The following RBL1 variants were observed in gnomAD, a reference collection of about 807,000 sequenced individuals.
RBL1 encodes retinoblastoma-like protein 1.
RBL1 carries 82 observed loss-of-function variants against 123.0 expected under a neutral mutation model. The observed-to-expected ratio is 0.67, with a 90% CI of 0.56 to 0.80. The LOEUF (loss-of-function observed/expected upper bound fraction) is 0.80, where lower values mean the gene tolerates loss of function less well. Ranked by LOEUF, RBL1 falls within the 30% of genes least tolerant of loss-of-function variation. The pLI, the probability that RBL1 is intolerant of heterozygous loss-of-function variation, is 0.00. For synonymous variants in RBL1, 405 were observed against 441.3 expected, an observed-to-expected ratio of 0.92 and a Z score of 1.03; for missense variants, 1,171 against 1,299.6, an observed-to-expected ratio of 0.90 and a Z score of 1.52.
At chr20:37,024,460 A>AGGATACAGAG (rs2064389974) in intron 16 of RBL1, among the ~76,000 whole-genome samples, 1 of 152,236 alleles carries the variant, frequency 6.6e-6, no homozygotes, top group Non-Finnish European at 1.5e-5. Flanking sequence ...AGCTGATCCA[A>AGGATACAGAG]TGCTTACAGG....
In RBL1 at chr20:36,998,589, T is replaced by C. The variant is rs2063914095; in HGVS notation, c.*170A>G. ...TCCAATCCAACTCAAAATACATCTC[T>C]GTCAACTACATTTTGGATAAATATT... is the stretch of plus-strand genomic sequence containing the variant. On this transcript the variant is annotated 3_prime_UTR_variant, in exon 22 of 22. Coordinates refer to ENST00000373664, the MANE Select transcript of RBL1 (RefSeq NM_002895.5). The C allele has an allele frequency of 6.7e-6, 4 of 597,962 alleles. No individual in the cohort carries two copies. The highest frequency in any genetic ancestry group is 1.1e-5 in the Non-Finnish European group (4 of 356,164). 37.0% of individuals were successfully genotyped at this position (597,962 alleles called of 1,614,324 possible).
rs905623063 is a variant in RBL1, at chr20:37,095,985, G to A, written c.-57C>T. 17 of 1,374,170 alleles carry A rather than the reference G, an allele frequency of 1.2e-5. No individual in the cohort carries two copies. Among genetic ancestry groups the A allele is most frequent in the Non-Finnish European group, 1.6e-5 (17 of 1,037,172 alleles). The allele number at this position is 1,374,170 out of a possible 1,614,324, so 85.1% of individuals were successfully genotyped here. On this transcript the variant is annotated 5_prime_UTR_variant, in exon 1 of 22. Coordinates refer to ENST00000373664, the MANE Select transcript of RBL1 (RefSeq NM_002895.5). ...CCCCCGACTTCTTTCTCCCTCCCAG[G>A]CGCGCTACCCACAACCACCTGCGCC... is the stretch of plus-strand genomic sequence containing the variant.
rs756239750 is a variant in RBL1, at chr20:37,032,728, C to T, written c.2319G>A (p.Glu773=). ...GCCTGTTTATTCCAGTTGAATGTAC[C>T]TCTTGTGCTTTAGTCAGATTGGTCT... The part of the protein sequence containing the change: ...PKQTNLTKAQ[E]VHSTGINRPK... Residue 773 remains glutamate (E), a synonymous_variant, in exon 16 of 22, where the codon GAG becomes GAA. Transcript: ENST00000373664. 6.2e-7 allele frequency: 1 copy of T among 1,613,858 alleles called. No individual in the cohort carries two copies. The highest frequency in any genetic ancestry group is 8.5e-7 in the Non-Finnish European group (1 of 1,179,988).
chr20:37,018,395 A>T, intron 18 of RBL1, 26 bp from the exon 19 acceptor site: 7 of 1,588,154 alleles, frequency 4.4e-6, no homozygotes, highest in Non-Finnish European at 6.0e-6. Context: ...GAAGAAAAGG[A>T]CAGCTCAGTC....
intron 2 of RBL1, among the ~76,000 whole-genome samples, chr20:37,072,008 C>T (rs781657433): frequency 4.6e-5 from 7 of 152,102 alleles, no homozygotes; most frequent in African/African-American, 1.7e-4. Flanking sequence ...TTCATAGCAA[C>T]GTAAAACGTC....
chr20:37,042,072 C>CAA (rs71186100), intron 13 of RBL1, among the ~76,000 whole-genome samples: 1,271 of 86,780 alleles, frequency 0.015, 14 homozygotes, highest in African/African-American at 0.036. Flanking sequence ...GACTTTGTCT[C>CAA]AAAAAAAAAA....
In RBL1 at chr20:37,041,228, G is replaced by A. The variant is rs1192149892; in HGVS notation, c.1771-943C>T. ...GAGTTACAAAAGAATAACAGAAGTA[G>A]ACAAAAAAAACCCCACAATTTCTCA... On this transcript the variant is annotated intron_variant, in intron 13 of 21. Coordinates refer to ENST00000373664, the MANE Select transcript of RBL1 (RefSeq NM_002895.5). Among the ~76,000 whole-genome samples the A allele has an allele frequency of 4.0e-5, 6 of 151,848 alleles. No homozygotes were observed. The East Asian group carries it at 1.2e-3, about 29-fold the overall frequency.
chr20:37,079,899 T>C lies in RBL1; in HGVS notation c.290+9090A>G, dbSNP rs1325361214. On this transcript the variant is annotated intron_variant, in intron 2 of 21. Coordinates refer to ENST00000373664, the MANE Select transcript of RBL1 (RefSeq NM_002895.5). The stretch of plus-strand genomic sequence containing the variant: ...AAAAAGCAGTTTTAATTTTAGTGAT[T>C]TCAAGTCAGAAAAGTGGGAGAAAAA... 2.6e-5 allele frequency among the ~76,000 whole-genome samples: 4 copies of C among 152,262 alleles called. No homozygotes were observed. In the East Asian group the frequency reaches 5.8e-4, roughly 22 times the overall value.
intron 14 of RBL1, among the ~76,000 whole-genome samples, chr20:37,038,618 T>C (rs977471604): frequency 3.5e-5 from 5 of 142,974 alleles, no homozygotes; most frequent in Non-Finnish European, 6.1e-5. Flanking sequence ...TTTTTTTTTT[T>C]CTGAAACAGA....
intron 15 of RBL1, 51 bp downstream of exon 15, chr20:37,035,191 C>T (rs751994545): frequency 2.0e-6 from 3 of 1,510,340 alleles, no homozygotes; most frequent in East Asian, 4.6e-5. Context: ...TAAGACATTT[C>T]TTAAATTTTT....
rs139168989 is a variant in RBL1 at position 37,024,148 on chromosome 20, G to T, written c.2383-1322C>A. ...TTACCCCTTACAGAAAATTATCTTT[G>T]GCAGAAAAATACCTACAAACCGAGC... On this transcript the variant is annotated intron_variant, in intron 16 of 21. Transcript: ENST00000373664. 2.7e-3 allele frequency among the ~76,000 whole-genome samples: 418 copies of T among 152,042 alleles called. 2 individuals carry two copies. Among genetic ancestry groups the T allele is most frequent in the African/African-American group, 9.5e-3 (392 of 41,464 alleles).
At chr20:37,006,551 A>T (rs1425668005) in intron 20 of RBL1, among the ~76,000 whole-genome samples, 1 of 151,048 alleles carries the variant, frequency 6.6e-6, no homozygotes, top group Non-Finnish European at 1.5e-5. Flanking sequence ...AGAAAAATTT[A>T]CCAAATTTGC....
intron 2 of RBL1, among the ~76,000 whole-genome samples, chr20:37,073,105 G>A (rs2065307377): frequency 6.6e-6 from 1 of 151,988 alleles, no homozygotes; most frequent in South Asian, 2.1e-4. Flanking sequence ...ACAGGTATGT[G>A]CCCCCACACC....
intron 2 of RBL1, among the ~76,000 whole-genome samples, chr20:37,088,137 T>C (rs1484330643): frequency 6.6e-6 from 1 of 151,866 alleles, no homozygotes; most frequent in Non-Finnish European, 1.5e-5. Flanking sequence ...TGGTGGCACA[T>C]GCCTGTAATC....
At chr20:37,035,140 G>A in intron 15 of RBL1, 102 bp downstream of exon 15, 5 of 1,188,896 alleles carry the variant, frequency 4.2e-6, no homozygotes, top group East Asian at 5.1e-5. Context: ...ATAGGTTCAA[G>A]AAAAAATAAT....
chr20:37,070,622 A>C (rs1192155910), intron 2 of RBL1, among the ~76,000 whole-genome samples: 6 of 152,176 alleles, frequency 3.9e-5, no homozygotes, highest in Non-Finnish European at 8.8e-5. Context: ...AAAATTCAAG[A>C]GTTTGAGTTC....
chr20:37,064,665 A>G (rs1261908835), intron 7 of RBL1, among the ~76,000 whole-genome samples: 1 of 152,070 alleles, frequency 6.6e-6, no homozygotes, highest in Non-Finnish European at 1.5e-5. Context: ...GCTGGAGTGC[A>G]GTGGCATGAT....
chr20:37,000,878 C>A (rs1173193521), intron 21 of RBL1, among the ~76,000 whole-genome samples: 1 of 143,292 alleles, frequency 7.0e-6, no homozygotes. Flanking sequence ...CGGCCAGCCG[C>A]CCCGTCCAGG....
At chr20:37,024,830 T>C (rs1408017452) in intron 16 of RBL1, among the ~76,000 whole-genome samples, 1 of 152,178 alleles carries the variant, frequency 6.6e-6, no homozygotes, top group Non-Finnish European at 1.5e-5. Context: ...TGCTATATTT[T>C]CAAGCTCTGT....
Sources: gnomAD v4.1 joint callset for allele counts (sites outside exome capture counted in the v4.1 genomes callset) on GRCh38, gnomAD v4.1.1 for gene constraint, MANE v1.5 for transcripts, NCBI Gene and HGNC (gene_info 2026-07-23, HGNC 2026-07-21) for gene names.